CCDC38: variants seen among roughly 807,000 people sequenced by gnomAD.
CCDC38 encodes the protein coiled-coil domain-containing protein 38.
Under a neutral mutation model 72.8 loss-of-function variants are expected in CCDC38, and 69 were observed. That is an observed-to-expected ratio of 0.95 (90% confidence interval 0.78 to 1.16). The LOEUF (loss-of-function observed/expected upper bound fraction) is 1.16, where lower values mean the gene tolerates loss of function less well. Ranked by LOEUF, CCDC38 falls within the 50% of genes most tolerant of loss-of-function variation. The probability of loss-of-function intolerance (pLI) is 0.00; values close to 1 mark genes in which losing one functional copy is unlikely to be tolerated. For synonymous variants in CCDC38, 201 were observed against 213.2 expected (o/e 0.94, Z 0.50); for missense variants, 626 against 638.9 (o/e 0.98, Z 0.22).
chr12:95,921,283 T>C (rs1473936152), intron 2 of CCDC38, among the ~76,000 whole-genome samples: 3 of 152,224 alleles, frequency 2.0e-5, no homozygotes, highest in Admixed American at 1.3e-4. Context: ...TGTGGCAGGA[T>C]GGAAATCTTG....
intron 4 of CCDC38, among the ~76,000 whole-genome samples, chr12:95,909,057 C>G (rs747892704): frequency 1.3e-5 from 2 of 151,842 alleles, no homozygotes; most frequent in African/African-American, 4.8e-5. Flanking sequence ...CAGAGCAGAA[C>G]TAAATGAAAT....
chr12:95,882,675 T>G (rs2079714633), intron 10 of CCDC38, among the ~76,000 whole-genome samples: 1 of 152,252 alleles, frequency 6.6e-6, no homozygotes, highest in African/African-American at 2.4e-5. Context: ...TTCCCACCTC[T>G]CTGATACTCT....
At chr12:95,908,211 G>T (rs1565956864) in intron 4 of CCDC38, among the ~76,000 whole-genome samples, 1 of 151,680 alleles carries the variant, frequency 6.6e-6, no homozygotes, top group Non-Finnish European at 1.5e-5. Flanking sequence ...TGCAATCCCG[G>T]CACCTCGGGA....
At position 95,879,084 on chromosome 12, in the gene CCDC38, A is replaced by G. The variant is rs2079669331; in HGVS notation, c.1142+560T>C. Among the ~76,000 whole-genome samples the G allele has an allele frequency of 6.6e-6, 1 of 152,204 alleles. No homozygotes were observed. Among genetic ancestry groups the G allele is most frequent in the South Asian group, 2.1e-4 (1 of 4,834 alleles). ...TTCTCTGTAATTCAATTCTTTTTCA[A>G]GTTTGTAATACTATATATTTTTAGA... On this transcript the variant is annotated intron_variant, in intron 12 of 15. Coordinates refer to ENST00000344280, the MANE Select transcript of CCDC38 (RefSeq NM_182496.3). This position sits in a 1 kb window ranked among gnomAD's most constrained non-coding sequence, Gnocchi z 5.5.
At chr12:95,910,257 A>G (rs971336713) in intron 4 of CCDC38, among the ~76,000 whole-genome samples, 1 of 151,982 alleles carries the variant, frequency 6.6e-6, no homozygotes, top group Non-Finnish European at 1.5e-5. Flanking sequence ...TACATCAATA[A>G]CATTTGAGCT....
At chr12:95,941,460 G>T (rs1190239007) in intron 1 of CCDC38, among the ~76,000 whole-genome samples, 1 of 152,174 alleles carries the variant, frequency 6.6e-6, no homozygotes, top group Non-Finnish European at 1.5e-5. Flanking sequence ...TGATGAGGAT[G>T]AGAAAACGAG....
intron 4 of CCDC38, among the ~76,000 whole-genome samples, chr12:95,907,988 C>T (rs561568457): frequency 1.3e-5 from 2 of 151,232 alleles, no homozygotes; most frequent in African/African-American, 4.9e-5. Flanking sequence ...CTCCTCACAT[C>T]CCAGACGATG....
chr12:95,927,007 A>G (rs1432714172), intron 2 of CCDC38, among the ~76,000 whole-genome samples: 1 of 152,168 alleles, frequency 6.6e-6, no homozygotes, highest in Non-Finnish European at 1.5e-5. Context: ...ACTGAAAAAA[A>G]TGTATATTCT....
chr12:95,895,759 A>G (rs1446431319), intron 7 of CCDC38, among the ~76,000 whole-genome samples: 3 of 147,568 alleles, frequency 2.0e-5, no homozygotes, highest in Admixed American at 6.7e-5. Flanking sequence ...GTCTCGAAAA[A>G]AAAAAAAAAA....
chr12:95,929,845 G>A (rs1315450084), intron 2 of CCDC38, among the ~76,000 whole-genome samples: 2 of 152,178 alleles, frequency 1.3e-5, no homozygotes, highest in Admixed American at 1.3e-4. Flanking sequence ...TGATGGCAGA[G>A]CCATGCTCTC....
chr12:95,867,153 A>C lies in CCDC38; in HGVS notation c.1615T>G (p.Ser539Ala). 2.5e-6 allele frequency: 4 copies of C among 1,608,650 alleles called. No individual in the cohort carries two copies. The highest frequency in any genetic ancestry group is 3.4e-6 in the Non-Finnish European group (4 of 1,176,904). The part of the protein sequence containing the change: ...RRLVFHSKPP[S>A]GNKQQLPLVN... ...AAAGGTAGCTGCTGTTTGTTACCAGATGGAGGTTTTGAATGAAAGACAAGT... is the reference window on the plus strand; with the variant it reads ...AAAGGTAGCTGCTGTTTGTTACCAGCTGGAGGTTTTGAATGAAAGACAAGT... Residue 539 changes from serine (S) to alanine (A), a missense_variant, in exon 16 of 16, where the codon TCT (serine) becomes GCT (alanine). Physicochemically the swap from Ser to Ala is moderately conservative, Grantham distance 99 (BLOSUM62 1). Coordinates refer to ENST00000344280, the MANE Select transcript of CCDC38 (RefSeq NM_182496.3).
intron 10 of CCDC38, 75 bp from the exon 11 acceptor site, chr12:95,881,629 A>C (rs1483382033): frequency 8.2e-7 from 1 of 1,225,002 alleles, no homozygotes; most frequent in Non-Finnish European, 1.2e-6. Flanking sequence ...ATTCCTCTCT[A>C]AATTGTCGTT....
At position 95,924,295 on chromosome 12, in the gene CCDC38, G is replaced by A. The variant is rs879545543; in HGVS notation, c.38-5319C>T. Among the ~76,000 whole-genome samples the A allele has an allele frequency of 3.0e-3, 437 of 147,520 alleles. 2 individuals carry two copies. The highest frequency in any genetic ancestry group is 0.017 in the South Asian group (77 of 4,472). ...GATTTGCATTTCCCTGATGGCCAGT[G>A]ATGGTGAGCATTTTTTCATGTGTTT... is the stretch of plus-strand genomic sequence containing the variant. On this transcript the variant is annotated intron_variant, in intron 2 of 15. Coordinates refer to ENST00000344280, the MANE Select transcript of CCDC38 (RefSeq NM_182496.3).
At chr12:95,899,504 A>G (rs2079928504) in intron 5 of CCDC38, among the ~76,000 whole-genome samples, 1 of 152,116 alleles carries the variant, frequency 6.6e-6, no homozygotes, top group Admixed American at 6.6e-5. Context: ...TTGCCATGTC[A>G]GCCAGGCTGG....
chr12:95,869,045 A>G (rs532357154), intron 15 of CCDC38, among the ~76,000 whole-genome samples: 1 of 152,310 alleles, frequency 6.6e-6, no homozygotes, highest in Non-Finnish European at 1.5e-5. Context: ...AAGAATATGT[A>G]CATAAATACA....
intron 10 of CCDC38, 87 bp downstream of exon 10, chr12:95,888,371 G>T: frequency 8.5e-7 from 1 of 1,171,172 alleles, no homozygotes; most frequent in South Asian, 1.2e-5. Flanking sequence ...ATGGGTACAT[G>T]ACATATATGT....
At chr12:95,934,673 T>G (rs1187311661) in intron 2 of CCDC38, 1 of 147,694 alleles carries the variant, frequency 6.8e-6, no homozygotes, top group Admixed American at 6.9e-5. Flanking sequence ...GTTCCTTTTA[T>G]ATCAGCAAAT....
At chr12:95,911,572 G>A (rs146617369) in intron 4 of CCDC38, among the ~76,000 whole-genome samples, 1 of 152,066 alleles carries the variant, frequency 6.6e-6, no homozygotes, top group Non-Finnish European at 1.5e-5. Context: ...TGAAAAGTAG[G>A]CAAAAGAAGG....
At chr12:95,898,505 A>ACAAG in intron 6 of CCDC38, 40 bp from the exon 7 acceptor site, 1 of 1,589,346 alleles carries the variant, frequency 6.3e-7, no homozygotes, top group South Asian at 1.1e-5. Flanking sequence ...CTTCTTAGAA[A>ACAAG]CAAACAAACA....
Sources: gnomAD v4.1 joint callset for allele counts (sites outside exome capture counted in the v4.1 genomes callset) on GRCh38, gnomAD v4.1.1 for gene constraint, Gnocchi (gnomAD v3.1) non-coding constraint, MANE v1.5 for transcripts, NCBI Gene and HGNC (gene_info 2026-07-23, HGNC 2026-07-21) for gene names.